The following SCFD1 variants were observed in gnomAD, a reference collection of about 807,000 sequenced individuals.
SCFD1 encodes the protein sec1 family domain-containing protein 1.
In SCFD1, 37 loss-of-function variants were observed where a neutral mutation model predicts 103.2. That is an observed-to-expected ratio of 0.36 (90% confidence interval 0.28 to 0.47). The LOEUF is 0.47. Ranked by LOEUF, SCFD1 falls within the 20% of genes least tolerant of loss-of-function variation. The pLI is 1.00. For missense variants in SCFD1, 639 were observed against 761.2 expected, an observed-to-expected ratio of 0.84 and a Z score of 1.89; for synonymous variants, 264 against 245.0, an observed-to-expected ratio of 1.08 and a Z score of -0.73.
intron 7 of SCFD1, among the ~76,000 whole-genome samples, chr14:30,645,983 T>A (rs1270119353): frequency 6.6e-6 from 1 of 152,128 alleles, no homozygotes; most frequent in East Asian, 1.9e-4. Context: ...TATTTTGAGG[T>A]ATGTTTCTTC....
intron 15 of SCFD1, among the ~76,000 whole-genome samples, chr14:30,695,894 C>G (rs1448335395): frequency 6.6e-6 from 1 of 151,856 alleles, no homozygotes; most frequent in African/African-American, 2.4e-5. Context: ...ACAAAAAAAA[C>G]CACAGGCAAA....
intron 23 of SCFD1, among the ~76,000 whole-genome samples, chr14:30,728,082 A>G (rs558312802): frequency 1.5e-4 from 23 of 152,178 alleles, no homozygotes; most frequent in Non-Finnish European, 2.9e-4. Context: ...AAAAAGAAAA[A>G]TGTTCAGAAA....
Position 30,719,332 on chromosome 14 carries a change from A to T in SCFD1, c.1691A>T (p.Asp564Val). 2.5e-6 allele frequency: 4 copies of T among 1,600,134 alleles called. No individual in the cohort carries two copies. Among genetic ancestry groups the T allele is most frequent in the Non-Finnish European group, 3.4e-6 (4 of 1,172,174 alleles). The change falls in exon 21 of 25, where the codon GAT becomes GTT. Residue 564 changes from aspartate (D) to valine (V), a missense_variant. Transcript: ENST00000458591. ...TTCTATTTTTTTTAATAGGAAACTG[A>T]TGACTATAGATATTTTGATCCCAAA... ...LMEMKSNPET[D>V]DYRYFDPKML...
chr14:30,645,643 A>G (rs1885742321), intron 7 of SCFD1, among the ~76,000 whole-genome samples: 1 of 152,142 alleles, frequency 6.6e-6, no homozygotes, highest in Non-Finnish European at 1.5e-5. Flanking sequence ...TTATTGGTGT[A>G]TAGAAATGCT....
At chr14:30,663,914 T>G (rs1405225944) in intron 10 of SCFD1, among the ~76,000 whole-genome samples, 1 of 152,188 alleles carries the variant, frequency 6.6e-6, no homozygotes, top group African/African-American at 2.4e-5. Flanking sequence ...TAATATAAGG[T>G]GCTAAGAATA....
chr14:30,677,167 CTTAT>C lies in SCFD1; in HGVS notation c.1242+2113_1242+2116del, dbSNP rs970058128. 2.9e-3 allele frequency among the ~76,000 whole-genome samples: 440 copies of C among 152,176 alleles called. 2 individuals are homozygous for C. Among genetic ancestry groups the C allele is most frequent in the African/African-American group, 0.01 (421 of 41,530 alleles). On this transcript the variant is annotated intron_variant, in intron 14 of 24. Transcript: ENST00000458591. ...GTAAAAGATAGATTTTATTTATTCA[CTTAT>C]TTATTTATTTTGACAGGGTCTCTCC...
rs556702202 is a variant in SCFD1 at position 30,638,397 on chromosome 14, A to G, written c.435+150A>G. On this transcript the variant is annotated intron_variant, in intron 5 of 24. Coordinates refer to ENST00000458591, the MANE Select transcript of SCFD1 (RefSeq NM_016106.4). ...TACTTTTATAAAGAGTTCTGATAAT[A>G]TAAATTATATTCAAGTTGAACTAGG... 4 of 1,144,352 alleles carry G rather than the reference A, an allele frequency of 3.5e-6. No individual in the cohort carries two copies. In the East Asian group the frequency reaches 9.0e-5, roughly 26 times the overall value. The allele number at this position is 1,144,352 out of a possible 1,614,324, so 70.9% of individuals were successfully genotyped here. A position where few individuals can be genotyped will look rare whatever the true frequency, so the allele number is the denominator to read the frequency against.
chr14:30,666,615 T>C (rs1212220253), intron 10 of SCFD1, among the ~76,000 whole-genome samples: 1 of 152,120 alleles, frequency 6.6e-6, no homozygotes, highest in Non-Finnish European at 1.5e-5. Flanking sequence ...ATCCAGGAGC[T>C]GGTTTTTTGA....
Position 30,721,923 on chromosome 14 carries a change from T to A in SCFD1, c.1770+6T>A, listed in dbSNP as rs761101879. 13 of 1,600,666 alleles carry A rather than the reference T, an allele frequency of 8.1e-6. No homozygotes were observed. Among genetic ancestry groups the A allele is most frequent in the Middle Eastern group, 3.3e-4 (2 of 6,034 alleles). ...ATAAAAATCCATTCCAAGAGGTAAGTTTCATATAAAAATTCTCTGTTCCTA... is the reference window on the plus strand; with the variant it reads ...ATAAAAATCCATTCCAAGAGGTAAGATTCATATAAAAATTCTCTGTTCCTA... On this transcript the variant is annotated splice_donor_region_variant and intron_variant, in intron 22 of 24. Transcript: ENST00000458591.
At chr14:30,646,066 A>T (rs912062846) in intron 7 of SCFD1, among the ~76,000 whole-genome samples, 2 of 151,876 alleles carry the variant, frequency 1.3e-5, no homozygotes, top group African/African-American at 2.4e-5. Context: ...TTGCTCTGTC[A>T]CTAGGCTGGA....
At position 30,708,022 on chromosome 14, in the gene SCFD1, A is replaced by G. The variant is rs1341997428; in HGVS notation, c.1586A>G (p.Gln529Arg). Residue 529 changes from glutamine to arginine, a missense_variant, in exon 19 of 25, where the codon CAG becomes CGG. Transcript: ENST00000458591. The stretch of plus-strand genomic sequence containing the variant: ...TCACGAGTCATGAATACAGGATCAC[A>G]GTTTGTGATGGAAGGAGTGAAGAAC... ...LLSRVMNTGSQFVMEGVKNLV... is the reference protein window; with the variant it reads ...LLSRVMNTGSRFVMEGVKNLV... 6.2e-7 allele frequency: 1 copy of G among 1,613,436 alleles called. No homozygotes were observed. Among genetic ancestry groups the G allele is most frequent in the Non-Finnish European group, 8.5e-7 (1 of 1,179,440 alleles).
In SCFD1 at chr14:30,683,220, G is replaced by A. The variant is rs557527609; in HGVS notation, c.1242+8155G>A. ...GGATGGAGAGCAGAATGGTCCTGAT[G>A]TCATACAGGGCAGACCACTTGTCCT... On this transcript the variant is annotated intron_variant, in intron 14 of 24. Coordinates refer to ENST00000458591, the MANE Select transcript of SCFD1 (RefSeq NM_016106.4). 70 of 1,134,962 alleles carry A rather than the reference G, an allele frequency of 6.2e-5. No homozygotes were observed. The South Asian group carries it at 7.7e-4, about 12-fold the overall frequency. 70.3% of individuals were successfully genotyped at this position (1,134,962 alleles called of 1,614,324 possible). A position where few individuals can be genotyped will look rare whatever the true frequency, so the allele number is the denominator to read the frequency against.
At position 30,637,733 on chromosome 14, in the gene SCFD1, G is replaced by C. The variant is rs77129213; in HGVS notation, c.313-392G>C. The stretch of plus-strand genomic sequence containing the variant: ...GTAATTGGATTTATAACTTGTCTGT[G>C]TGCAATGAAGGATTTGTTGTGTCAT... On this transcript the variant is annotated intron_variant, in intron 4 of 24. Transcript: ENST00000458591. 1.9e-4 allele frequency among the ~76,000 whole-genome samples: 29 copies of C among 152,226 alleles called. No individual in the cohort carries two copies. In the East Asian group the frequency reaches 5.6e-3, roughly 29 times the overall value.
Position 30,721,881 on chromosome 14 carries a change from C to T in SCFD1, c.1737-3C>T. 1.2e-6 allele frequency: 2 copies of T among 1,607,050 alleles called. No homozygotes were observed. The highest frequency in any genetic ancestry group is 8.5e-7 in the Non-Finnish European group (1 of 1,175,296). ...TTTTCATTACGGTTTTTCTTTATTA[C>T]AGCTCAGTTCCCAGAAATAAAAATC... On this transcript the variant is annotated splice_region_variant and splice_polypyrimidine_tract_variant and intron_variant, in intron 21 of 24. Transcript: ENST00000458591.
intron 3 of SCFD1, among the ~76,000 whole-genome samples, chr14:30,632,806 G>C (rs1405821956): frequency 6.6e-6 from 1 of 152,174 alleles, no homozygotes; most frequent in Non-Finnish European, 1.5e-5. Context: ...CTACTGAACT[G>C]TAATGGCTCA....
At chr14:30,719,499 A>C (rs1258793130) in intron 21 of SCFD1, 122 bp downstream of exon 21, 1 of 672,884 alleles carries the variant, frequency 1.5e-6, no homozygotes, top group East Asian at 2.9e-5. Flanking sequence ...GTAAGGAAAC[A>C]AGGATGTATA....
intron 14 of SCFD1, among the ~76,000 whole-genome samples, chr14:30,692,724 G>A (rs186623045): frequency 7.2e-5 from 11 of 152,312 alleles, no homozygotes; most frequent in Admixed American, 3.3e-4. Flanking sequence ...CAGAGGGCCT[G>A]AAAGTTAGTT....
At chr14:30,683,230 G>T in intron 14 of SCFD1, 1 of 1,105,896 alleles carries the variant, frequency 9.0e-7, no homozygotes, top group Non-Finnish European at 1.3e-6. Context: ...GTCATACAGG[G>T]CAGACCACTT....
At position 30,703,955 on chromosome 14, in the gene SCFD1, ATATATATAAAT is replaced by A. The variant is rs1566645962; in HGVS notation, c.1490+1581_1490+1591del. Reference sequence around the variant, plus strand: ...TATATATATATATATATATATATATATATATATAAATAATGAGATATCTTGGGGATGGGACC... The same window carrying A: ...TATATATATATATATATATATATATAAATGAGATATCTTGGGGATGGGACC... On this transcript the variant is annotated intron_variant, in intron 17 of 24. Transcript: ENST00000458591. 1.1e-4 allele frequency among the ~76,000 whole-genome samples: 6 copies of A among 55,072 alleles called. No individual in the cohort carries two copies. In the South Asian group the frequency reaches 1.6e-3, roughly 15 times the overall value. The allele number at this position is 55,072 out of a possible 152,430, so 36.1% of individuals were successfully genotyped here.
Sources: gnomAD v4.1 joint callset for allele counts (sites outside exome capture counted in the v4.1 genomes callset) on GRCh38, gnomAD v4.1.1 for gene constraint, MANE v1.5 for transcripts, NCBI Gene and HGNC (gene_info 2026-07-23, HGNC 2026-07-21) for gene names.